The following MIPOL1 variants were observed in gnomAD, a reference collection of about 807,000 sequenced individuals.
MIPOL1 encodes the protein mirror-image polydactyly gene 1 protein.
A neutral mutation model predicts 60.9 loss-of-function variants in MIPOL1; 57 were observed. The observed-to-expected ratio is 0.94, with a 90% CI of 0.76 to 1.17. MIPOL1 has a LOEUF of 1.17. Among genes scored for constraint, MIPOL1 ranks in the 50% most tolerant of loss-of-function variants. MIPOL1 has a pLI of 0.00. For synonymous variants in MIPOL1, 179 were observed against 168.8 expected (o/e 1.06, Z -0.47); for missense variants, 551 against 511.6 (o/e 1.08, Z -0.74).
Position 37,305,639 on chromosome 14 carries a change from A to G in MIPOL1, c.624-2417A>G, listed in dbSNP as rs551519203. Among the ~76,000 whole-genome samples the G allele has an allele frequency of 6.6e-5, 10 of 151,962 alleles. No homozygotes were observed. The South Asian group carries it at 2.1e-3, about 32-fold the overall frequency. On this transcript the variant is annotated intron_variant, in intron 7 of 12. Coordinates refer to ENST00000684589, the MANE Select transcript of MIPOL1 (RefSeq NM_001388067.1). ...TGTGATATCCGTGATATTTCCTGAA[A>G]CTTTTAAAAAAATACAAGTAGAGAA...
At chr14:37,337,352 A>ATTTTTTTTTTTTTTTTTTTTTTTTTTTT (rs2090223661) in intron 9 of MIPOL1, among the ~76,000 whole-genome samples, 1 of 35,458 alleles carries the variant, frequency 2.8e-5, no homozygotes. Context: ...ATATATATAT[A>ATTTTTTTTTTTTTTTTTTTTTTTTTTTT]TATATTTTTT....
chr14:37,307,679 T>G (rs554042381), intron 7 of MIPOL1, among the ~76,000 whole-genome samples: 4 of 151,978 alleles, frequency 2.6e-5, no homozygotes, highest in Non-Finnish European at 5.9e-5. Flanking sequence ...GTTTTACTTA[T>G]GATGGTGTCC....
At chr14:37,516,552 C>T (rs906474996) in intron 12 of MIPOL1, among the ~76,000 whole-genome samples, 3 of 152,074 alleles carry the variant, frequency 2.0e-5, no homozygotes, top group Non-Finnish European at 4.4e-5. Context: ...GTTTTATTCT[C>T]AGAATAGAAC....
chr14:37,512,345 G>T (rs1231140627), intron 12 of MIPOL1, among the ~76,000 whole-genome samples: 1 of 151,960 alleles, frequency 6.6e-6, no homozygotes, highest in Admixed American at 6.6e-5. Context: ...GTCACACAAG[G>T]GTTCTTAGCA....
intron 10 of MIPOL1, among the ~76,000 whole-genome samples, chr14:37,397,731 A>G (rs968842572): frequency 6.6e-6 from 1 of 152,170 alleles, no homozygotes; most frequent in African/African-American, 2.4e-5. Flanking sequence ...CTGCTGAGTC[A>G]TGCACGTTGT....
Position 37,451,808 on chromosome 14 carries a change from C to CTTTTTTTTTTTTTTTTTTTTTTTT in MIPOL1, c.1031+28860_1031+28883dup, listed in dbSNP as rs535978128. ...CTTAAGGTTCTTTTGTTTATTCTCT[C>CTTTTTTTTTTTTTTTTTTTTTTTT]TTTTTTTTTTTTTTTTTTTTTTTTG... On this transcript the variant is annotated intron_variant, in intron 11 of 12. Transcript: ENST00000684589. 1.8e-4 allele frequency among the ~76,000 whole-genome samples: 15 copies of CTTTTTTTTTTTTTTTTTTTTTTTT among 84,566 alleles called. 1 individual carries two copies. The highest frequency in any genetic ancestry group is 8.3e-4 in the African/African-American group (13 of 15,752). The allele number at this position is 84,566 out of a possible 152,430, so 55.5% of individuals were successfully genotyped here. A position where few individuals can be genotyped will look rare whatever the true frequency, so the allele number is the denominator to read the frequency against.
rs375219526 is a variant in MIPOL1, at chr14:37,240,322, C to T, written c.-198-6781C>T. ...TAAAGACCTAAATGATTATTTTTAA[C>T]TTTATTTTTGAAAGACATTTTCTGA... On this transcript the variant is annotated intron_variant, in intron 1 of 12. Transcript: ENST00000684589. The T allele has an allele frequency of 4.7e-4, 72 of 152,132 alleles. 1 individual carries two copies. The East Asian group carries it at 0.011, about 22-fold the overall frequency. 9.4% of individuals were successfully genotyped at this position (152,132 alleles called of 1,614,324 possible).
chr14:37,528,852 A>G (rs75942160), intron 12 of MIPOL1, among the ~76,000 whole-genome samples: 3 of 152,172 alleles, frequency 2.0e-5, no homozygotes, highest in East Asian at 3.9e-4. Flanking sequence ...CTTCACTGCT[A>G]TAGTTTGCAC....
intron 9 of MIPOL1, among the ~76,000 whole-genome samples, chr14:37,362,807 C>A (rs1360021562): frequency 6.6e-6 from 1 of 152,144 alleles, no homozygotes; most frequent in Non-Finnish European, 1.5e-5. Context: ...TTGTTTGTTT[C>A]TTTTTACTCT....
chr14:37,525,268 C>T (rs1047011218), intron 12 of MIPOL1, among the ~76,000 whole-genome samples: 11 of 152,150 alleles, frequency 7.2e-5, no homozygotes, highest in Non-Finnish European at 1.6e-4. Context: ...GGATACTGAC[C>T]AGTAAACAGC....
intron 11 of MIPOL1, among the ~76,000 whole-genome samples, chr14:37,471,778 C>T (rs1439912266): frequency 6.6e-6 from 1 of 152,058 alleles, no homozygotes; most frequent in Non-Finnish European, 1.5e-5. Context: ...CCTCCCTGTA[C>T]CTGAAAAATT....
rs2086943016 is a variant in MIPOL1 at position 37,308,093 on chromosome 14, A to G, written c.657+4A>G. The stretch of plus-strand genomic sequence containing the variant: ...TAACCCTGAAGAAAATGACATGGTA[A>G]GCCATTCTCTGAGGAGATTTCTTGA... On this transcript the variant is annotated splice_donor_region_variant and intron_variant, in intron 8 of 12. Coordinates refer to ENST00000684589, the MANE Select transcript of MIPOL1 (RefSeq NM_001388067.1). The G allele has an allele frequency of 6.2e-7, 1 of 1,609,676 alleles. No homozygotes were observed. The highest frequency in any genetic ancestry group is 8.5e-7 in the Non-Finnish European group (1 of 1,177,528).
At chr14:37,450,527 A>G (rs1164308255) in intron 11 of MIPOL1, among the ~76,000 whole-genome samples, 2 of 151,610 alleles carry the variant, frequency 1.3e-5, no homozygotes, top group East Asian at 1.9e-4. Flanking sequence ...TTTAATCTCA[A>G]TTTTTTTTCA....
chr14:37,486,479 C>T (rs890440974), intron 11 of MIPOL1, among the ~76,000 whole-genome samples: 2 of 152,050 alleles, frequency 1.3e-5, no homozygotes, highest in African/African-American at 2.4e-5. Context: ...AATGTTTTTC[C>T]ATTTATTTGT....
chr14:37,353,778 A>G, intron 9 of MIPOL1, among the ~76,000 whole-genome samples: 1 of 152,030 alleles, frequency 6.6e-6, no homozygotes, highest in South Asian at 2.1e-4. Flanking sequence ...TTTAATGCGT[A>G]TATTTGATTC....
At chr14:37,374,300 G>T (rs977239280) in intron 10 of MIPOL1, among the ~76,000 whole-genome samples, 1 of 152,028 alleles carries the variant, frequency 6.6e-6, no homozygotes, top group African/African-American at 2.4e-5. Context: ...TGTCAGATGG[G>T]TAGATTGCAA....
At chr14:37,318,495 A>G (rs1054152267) in intron 9 of MIPOL1, among the ~76,000 whole-genome samples, 2 of 152,122 alleles carry the variant, frequency 1.3e-5, no homozygotes, top group African/African-American at 2.4e-5. Flanking sequence ...CTATCATACA[A>G]TTATTTGCTT....
intron 11 of MIPOL1, among the ~76,000 whole-genome samples, chr14:37,489,024 A>T (rs2094999633): frequency 6.6e-6 from 1 of 152,186 alleles, no homozygotes. Context: ...ATAATATCCT[A>T]AAGAGTGTTT....
At chr14:37,491,452 C>T (rs1224096093) in intron 11 of MIPOL1, among the ~76,000 whole-genome samples, 11 of 152,092 alleles carry the variant, frequency 7.2e-5, no homozygotes, top group Non-Finnish European at 1.6e-4. Flanking sequence ...TCGCTTGAAC[C>T]CCAGAGGTGA....
Sources: gnomAD v4.1 joint callset for allele counts (sites outside exome capture counted in the v4.1 genomes callset) on GRCh38, gnomAD v4.1.1 for gene constraint, MANE v1.5 for transcripts, NCBI Gene and HGNC (gene_info 2026-07-23, HGNC 2026-07-21) for gene names.